DIAPH2: variants seen among roughly 807,000 people sequenced by gnomAD.
DIAPH2 encodes the protein protein diaphanous homolog 2.
DIAPH2 carries 35 observed loss-of-function variants against 92.7 expected under a neutral mutation model. That is an observed-to-expected ratio of 0.38 (90% CI 0.29 to 0.50). The LOEUF (loss-of-function observed/expected upper bound fraction) is 0.50, where lower values mean the gene tolerates loss of function less well. Ranked by LOEUF, DIAPH2 falls within the 20% of genes least tolerant of loss-of-function variation. The probability of loss-of-function intolerance (pLI) is 0.94; values close to 1 mark genes in which losing one functional copy is unlikely to be tolerated. For synonymous variants in DIAPH2, 301 were observed against 280.4 expected (o/e 1.07, Z -0.73); for missense variants, 701 against 819.5 (o/e 0.86, Z 1.77).
intron 4 of DIAPH2, among the ~76,000 whole-genome samples, chrX:96,817,274 A>C (rs1302548033): frequency 9.0e-6 from 1 of 111,683 alleles, no homozygotes; most frequent in Admixed American, 9.5e-5. Flanking sequence ...GGGGATAGCT[A>C]ACCCATTTAC....
At chrX:97,064,654 G>A (rs1442787830) in intron 17 of DIAPH2, among the ~76,000 whole-genome samples, 1 of 110,999 alleles carries the variant, frequency 9.0e-6, no homozygotes, top group Non-Finnish European at 1.9e-5. Context: ...AGGATACCAA[G>A]CCATGTATAA....
In DIAPH2 at chrX:96,916,423, T is replaced by TTC. The variant is rs1556296893; in HGVS notation, c.733-14_733-13insCT. The TTC allele has an allele frequency of 1.8e-4, 196 of 1,074,730 alleles. No homozygotes were observed. The highest frequency in any genetic ancestry group is 1.0e-3 in the Middle Eastern group (4 of 3,813). The allele number at this position is 1,074,730 out of a possible 1,213,427, so 88.6% of individuals were successfully genotyped here. A position where few individuals can be genotyped will look rare whatever the true frequency, so the allele number is the denominator to read the frequency against. ...ATAGACATTCTGAATGAAGGTTTTT[T>TTC]TTTTTTTTTTTTAGTTTGGATTACA... On this transcript the variant is annotated splice_polypyrimidine_tract_variant and intron_variant, in intron 7 of 26. Transcript: ENST00000324765.
intron 17 of DIAPH2, among the ~76,000 whole-genome samples, chrX:97,043,016 G>A (rs1261726057): frequency 9.0e-6 from 1 of 111,449 alleles, no homozygotes; most frequent in Non-Finnish European, 1.9e-5. Flanking sequence ...GATTTATTTT[G>A]TTTTATCCAG....
At chrX:96,966,205 T>C in intron 17 of DIAPH2, among the ~76,000 whole-genome samples, 2 of 111,935 alleles carry the variant, frequency 1.8e-5, no homozygotes, top group Middle Eastern at 4.6e-3. Context: ...TAGACTATTC[T>C]GAAGAATTTT....
Position 96,884,573 on chromosome X carries a change from A to C in DIAPH2, c.587+2855A>C, listed in dbSNP as rs779224198. ...ATCAGAGGGGCAGAGAAGGCTTCAA[A>C]TCACATTTGTTACAAAATTGATGAT... On this transcript the variant is annotated intron_variant, in intron 5 of 26. Coordinates refer to ENST00000324765, the MANE Select transcript of DIAPH2 (RefSeq NM_006729.5). 6.6e-6 allele frequency: 8 copies of C among 1,211,060 alleles called. No homozygotes were observed. In the South Asian group the frequency reaches 1.4e-4, roughly 21 times the overall value.
At chrX:97,550,004 C>A in intron 26 of DIAPH2, among the ~76,000 whole-genome samples, 1 of 112,659 alleles carries the variant, frequency 8.9e-6, no homozygotes, top group Admixed American at 9.3e-5. Context: ...AAGTCAAAGA[C>A]AAATGCTCTT....
Position 97,521,120 on chromosome X carries a change from G to A in DIAPH2, c.3242-78133G>A, listed in dbSNP as rs143920099. On this transcript the variant is annotated intron_variant, in intron 26 of 26. Transcript: ENST00000324765. ...TTACAGAAGAGGCCTGAGGGAGCTT[G>A]TTTGCCCCTTCCACCATGTGAGGGC... Among the ~76,000 whole-genome samples the A allele has an allele frequency of 5.6e-3, 625 of 111,255 alleles. 3 individuals carry two copies. The highest frequency in any genetic ancestry group is 0.019 in the African/African-American group (593 of 30,554).
intron 19 of DIAPH2, among the ~76,000 whole-genome samples, chrX:97,078,239 G>A (rs1171102656): frequency 3.6e-5 from 4 of 111,178 alleles, no homozygotes; most frequent in Non-Finnish European, 7.6e-5. Flanking sequence ...ATATTCTTAA[G>A]GAATATGTGA....
intron 4 of DIAPH2, among the ~76,000 whole-genome samples, chrX:96,792,066 C>A (rs1351990110): frequency 9.0e-6 from 1 of 111,572 alleles, no homozygotes; most frequent in Non-Finnish European, 1.9e-5. Flanking sequence ...TAAGAATATA[C>A]AAGAAATGCT....
chrX:96,743,712 A>G (rs1363643097), intron 3 of DIAPH2, among the ~76,000 whole-genome samples: 1 of 111,518 alleles, frequency 9.0e-6, no homozygotes, highest in East Asian at 2.8e-4. Flanking sequence ...GGAGAGGGGT[A>G]GGTTGAGGAG....
intron 23 of DIAPH2, among the ~76,000 whole-genome samples, chrX:97,264,236 C>CT (rs1713122663): frequency 9.0e-6 from 1 of 111,686 alleles, no homozygotes; most frequent in African/African-American, 3.3e-5. Flanking sequence ...TATCATATGC[C>CT]TAGAAGGCTT....
chrX:97,253,037 T>C (rs1219568544), intron 23 of DIAPH2, among the ~76,000 whole-genome samples: 9 of 111,206 alleles, frequency 8.1e-5, no homozygotes, highest in Non-Finnish European at 1.5e-4. Flanking sequence ...ACTTGTAATC[T>C]CAGCACTTTG....
intron 26 of DIAPH2, among the ~76,000 whole-genome samples, chrX:97,530,349 C>T (rs1326261592): frequency 1.8e-5 from 2 of 111,854 alleles, no homozygotes; most frequent in Admixed American, 9.5e-5. Flanking sequence ...GTTCAGGGCC[C>T]TCCACAGAGG....
At chrX:97,148,293 C>T (rs1014875977) in intron 22 of DIAPH2, among the ~76,000 whole-genome samples, 3 of 111,794 alleles carry the variant, frequency 2.7e-5, no homozygotes, top group African/African-American at 9.7e-5. Context: ...TGCTCACATA[C>T]TGGAAAACAT....
At chrX:96,791,743 A>G (rs1344206794) in intron 4 of DIAPH2, among the ~76,000 whole-genome samples, 1 of 111,057 alleles carries the variant, frequency 9.0e-6, no homozygotes, top group East Asian at 2.8e-4. Context: ...TCGGTAGGCA[A>G]GCCTCCAATA....
chrX:97,335,197 T>C (rs2069047716), intron 23 of DIAPH2, among the ~76,000 whole-genome samples: 1 of 110,404 alleles, frequency 9.1e-6, no homozygotes, highest in African/African-American at 3.3e-5. Context: ...AGACAAAGCT[T>C]GTTAAGCATT....
chrX:97,389,465 CAAAAAAAAAAAAA>C (rs1164301048), intron 25 of DIAPH2, among the ~76,000 whole-genome samples: 16 of 34,529 alleles, frequency 4.6e-4, no homozygotes, highest in Non-Finnish European at 8.9e-4. Context: ...GACTCTGTCT[CAAAAAAAAAAAAA>C]AAAAAAAAGG....
chrX:96,930,726 A>T lies in DIAPH2; in HGVS notation c.979-7A>T. ...TTTTTAAAACAAAATTTGCTTTCTA[A>T]TTGCAGGTGGCCTGCATGCAGTTTA... On this transcript the variant is annotated splice_polypyrimidine_tract_variant and splice_region_variant and intron_variant, in intron 9 of 26. Coordinates refer to ENST00000324765, the MANE Select transcript of DIAPH2 (RefSeq NM_006729.5). 8.4e-7 allele frequency: 1 copy of T among 1,187,402 alleles called. No homozygotes were observed. Among genetic ancestry groups the T allele is most frequent in the South Asian group, 1.9e-5 (1 of 52,365 alleles).
intron 26 of DIAPH2, among the ~76,000 whole-genome samples, chrX:97,562,032 T>A (rs1324865522): frequency 2.7e-5 from 3 of 112,042 alleles, no homozygotes; most frequent in Non-Finnish European, 5.6e-5. Context: ...AAATAAACCT[T>A]GCAGTTAAGA....
Sources: allele counts gnomAD v4.1 joint callset (sites outside exome capture counted in the v4.1 genomes callset), GRCh38; gene constraint gnomAD v4.1.1; transcripts MANE v1.5; gene names NCBI Gene and HGNC (gene_info 2026-07-23, HGNC 2026-07-21).